The following FNDC8 variants were observed in gnomAD, a reference collection of about 807,000 sequenced individuals.
FNDC8 encodes fibronectin type III domain containing 8, also known as fibronectin type III domain-containing protein 8.
FNDC8 carries 23 observed loss-of-function variants against 24.8 expected under a neutral mutation model. That is an observed-to-expected ratio of 0.93 (90% CI 0.67 to 1.31). The LOEUF (loss-of-function observed/expected upper bound fraction) is 1.31. Among genes scored for constraint, FNDC8 ranks in the 40% most tolerant of loss-of-function variants. The probability of loss-of-function intolerance (pLI) is 0.00; values close to 1 mark genes in which losing one functional copy is unlikely to be tolerated. For synonymous variants in FNDC8, 158 were observed against 165.3 expected (o/e 0.96, Z 0.34); for missense variants, 371 against 398.2 (o/e 0.93, Z 0.58).
rs1273684041 is a variant in FNDC8, at chr17:35,130,571, C to A, written c.*137C>A. 4 of 930,618 alleles carry A rather than the reference C, an allele frequency of 4.3e-6. No individual in the cohort carries two copies. The African/African-American group carries it at 5.0e-5, about 12-fold the overall frequency. 57.6% of individuals were successfully genotyped at this position (930,618 alleles called of 1,614,324 possible). A position where few individuals can be genotyped will look rare whatever the true frequency, so the allele number is the denominator to read the frequency against. ...GGCAGAGTGGTATGGGCACCCCACC[C>A]CTGGGCTGGGGCCAAGGCTACATAG... On this transcript the variant is annotated 3_prime_UTR_variant, in exon 4 of 4. Transcript: ENST00000158009.
At chr17:35,122,185 TA>T (rs2091830643) in intron 1 of FNDC8, among the ~76,000 whole-genome samples, 1 of 24,422 alleles carries the variant, frequency 4.1e-5, no homozygotes, top group African/African-American at 2.1e-4. Flanking sequence ...TATATATATA[TA>T]TATATATATA....
At chr17:35,122,197 T>A (rs1567738553) in intron 1 of FNDC8, among the ~76,000 whole-genome samples, 17 of 19,444 alleles carry the variant, frequency 8.7e-4, no homozygotes, top group East Asian at 4.2e-3. Flanking sequence ...TATATATATA[T>A]ATATATATAT....
intron 1 of FNDC8, among the ~76,000 whole-genome samples, chr17:35,123,338 A>G (rs1021753535): frequency 6.6e-6 from 1 of 152,134 alleles, no homozygotes. Context: ...GGCTAAAGTG[A>G]TGGATGCTCG....
At chr17:35,125,366 G>A (rs531426437) in intron 1 of FNDC8, among the ~76,000 whole-genome samples, 1 of 152,172 alleles carries the variant, frequency 6.6e-6, no homozygotes, top group East Asian at 1.9e-4. Context: ...TTGAGCCTGG[G>A]AGTTTGTGCC....
intron 1 of FNDC8, among the ~76,000 whole-genome samples, chr17:35,126,497 CTTTTTTTTTTTTT>C (rs71147459): frequency 8.9e-6 from 1 of 112,046 alleles, no homozygotes; most frequent in Non-Finnish European, 1.8e-5. Context: ...ATTTTCTAAG[CTTTTTTTTTTTTT>C]TTTTTTTTTT....
intron 1 of FNDC8, among the ~76,000 whole-genome samples, chr17:35,125,235 C>T (rs963264836): frequency 3.3e-5 from 5 of 151,886 alleles, no homozygotes; most frequent in Admixed American, 1.3e-4. Flanking sequence ...CCCAGGAGTT[C>T]GAAGTCAGCC....
rs748134680 is a variant in FNDC8, at chr17:35,127,149, A to G, written c.317A>G (p.Asn106Ser). ...ATCAAATTAGCTGTGACCCAGCCCA[A>G]CAGCAGCTTCTTTGCAGGGATGCTG... ...NPIKLAVTQP[N>S]SSFFAGMLEG... The change falls in exon 2 of 4, where the codon AAC becomes AGC. Residue 106 changes from asparagine to serine, a missense_variant. Transcript: ENST00000158009. 20 of 1,614,092 alleles carry G rather than the reference A, an allele frequency of 1.2e-5. No homozygotes were observed. The highest frequency in any genetic ancestry group is 1.7e-5 in the Non-Finnish European group (20 of 1,180,044).
At chr17:35,129,281 C>G in intron 2 of FNDC8, 141 bp from the exon 3 acceptor site, 1 of 1,078,156 alleles carries the variant, frequency 9.3e-7, no homozygotes, top group Non-Finnish European at 1.4e-6. Flanking sequence ...GCTGCAGTAC[C>G]TTGCACCTTC....
intron 1 of FNDC8, among the ~76,000 whole-genome samples, chr17:35,122,448 C>A (rs2091833597): frequency 6.6e-6 from 1 of 151,534 alleles, no homozygotes; most frequent in Admixed American, 6.6e-5. Context: ...AGCGTGTGGG[C>A]AGGTTGGATC....
intron 2 of FNDC8, chr17:35,129,180 A>G (rs1356432661): frequency 2.1e-6 from 1 of 473,718 alleles, no homozygotes; most frequent in Non-Finnish European, 3.8e-6. Flanking sequence ...CCCCTGGCGT[A>G]TAAGAAATAT....
rs2091861916 is a variant in FNDC8 at position 35,129,279 on chromosome 17, A to G, written c.586-143A>G. ...GGGGTTCCACACTCAGTGCTGCAGT[A>G]CCTTGCACCTTCCATCTGACCTGCC... On this transcript the variant is annotated intron_variant, in intron 2 of 3. Transcript: ENST00000158009. 6 of 1,041,504 alleles carry G rather than the reference A, an allele frequency of 5.8e-6. No individual in the cohort carries two copies. In the South Asian group the frequency reaches 8.9e-5, roughly 15 times the overall value. The allele number at this position is 1,041,504 out of a possible 1,614,324, so 64.5% of individuals were successfully genotyped here. A position where few individuals can be genotyped will look rare whatever the true frequency, so the allele number is the denominator to read the frequency against.
intron 1 of FNDC8, among the ~76,000 whole-genome samples, chr17:35,126,290 A>T (rs757534072): frequency 6.6e-6 from 1 of 152,168 alleles, no homozygotes; most frequent in Non-Finnish European, 1.5e-5. Context: ...AATGCCACTA[A>T]AATGTAAGTA....
At chr17:35,125,410 C>T (rs1399467855) in intron 1 of FNDC8, among the ~76,000 whole-genome samples, 1 of 152,114 alleles carries the variant, frequency 6.6e-6, no homozygotes, top group Non-Finnish European at 1.5e-5. Flanking sequence ...GAGGGAGACC[C>T]TGTCTCAAAA....
intron 1 of FNDC8, among the ~76,000 whole-genome samples, chr17:35,122,208 A>ATATATAT (rs1567738641): frequency 4.7e-3 from 43 of 9,142 alleles, no homozygotes; most frequent in Admixed American, 6.7e-3. Flanking sequence ...ATATATATAT[A>ATATATAT]AATTTTTTTT....
Position 35,130,522 on chromosome 17 carries a change from C to A in FNDC8, c.*88C>A. On this transcript the variant is annotated 3_prime_UTR_variant, in exon 4 of 4. Coordinates refer to ENST00000158009, the MANE Select transcript of FNDC8 (RefSeq NM_017559.4). ...AGAGCCATGAGACCTACCATACCAC[C>A]AGCACCCTGCGGGCCCGGGGTCTGG... 7.2e-7 allele frequency: 1 copy of A among 1,396,048 alleles called. No homozygotes were observed. Among genetic ancestry groups the A allele is most frequent in the Non-Finnish European group, 9.8e-7 (1 of 1,021,020 alleles). 86.5% of individuals were successfully genotyped at this position (1,396,048 alleles called of 1,614,324 possible).
chr17:35,130,065 A>AG (rs754264378), intron 3 of FNDC8: 6 of 1,416,168 alleles, frequency 4.2e-6, no homozygotes, highest in Non-Finnish European at 5.5e-6. Context: ...TAGAGGCCTG[A>AG]GTACAGACAG....
intron 1 of FNDC8, among the ~76,000 whole-genome samples, chr17:35,126,836 G>A (rs2091851022): frequency 6.6e-6 from 1 of 152,182 alleles, no homozygotes; most frequent in South Asian, 2.1e-4. Flanking sequence ...CTAGTCCCAT[G>A]CTAACTGGGG....
chr17:35,122,024 AC>A, intron 1 of FNDC8, 122 bp downstream of exon 1: 1 of 749,764 alleles, frequency 1.3e-6, no homozygotes, highest in Non-Finnish European at 2.1e-6. Context: ...TTGCTTTGTC[AC>A]CCAGGCTGGA....
intron 1 of FNDC8, among the ~76,000 whole-genome samples, chr17:35,122,206 A>AT (rs2091831942): frequency 5.8e-4 from 4 of 6,840 alleles, no homozygotes; most frequent in Admixed American, 2.8e-3. Flanking sequence ...ATATATATAT[A>AT]TAAATTTTTT....
Sources: gnomAD v4.1 joint callset for allele counts (sites outside exome capture counted in the v4.1 genomes callset) on GRCh38, gnomAD v4.1.1 for gene constraint, MANE v1.5 for transcripts, NCBI Gene and HGNC (gene_info 2026-07-23, HGNC 2026-07-21) for gene names.